Variants in NIBAN3 observed in about 807,000 individuals in gnomAD.
The protein encoded by NIBAN3 is niban apoptosis regulator 3.
A neutral mutation model predicts 76.4 loss-of-function variants in NIBAN3; 66 were observed. That is an observed-to-expected ratio of 0.86 (90% CI 0.71 to 1.06). NIBAN3 has a LOEUF of 1.06. Ranked by LOEUF, NIBAN3 falls within the 50% of genes least tolerant of loss-of-function variation. The pLI, the probability that NIBAN3 is intolerant of heterozygous loss-of-function variation, is 0.00. For synonymous variants in NIBAN3, 360 were observed against 355.2 expected (o/e 1.01, Z -0.15); for missense variants, 808 against 810.7 (o/e 1.00, Z 0.04).
At chr19:17,538,746 G>A (rs573787369) in intron 5 of NIBAN3, among the ~76,000 whole-genome samples, 46 of 149,060 alleles carry the variant, frequency 3.1e-4, no homozygotes, top group African/African-American at 1.1e-3. Flanking sequence ...AAGAAAGAAA[G>A]AGAAAGAAAG....
In NIBAN3 at chr19:17,539,598, G is replaced by A; in HGVS notation, c.817-5G>A. ...GCTTTGTCCCCCCTCGACCGGTCTG[G>A]GCAGCTTCTAGACGCCGTTCACGCA... On this transcript the variant is annotated splice_polypyrimidine_tract_variant and splice_region_variant and intron_variant, in intron 7 of 14. Coordinates refer to ENST00000599164, the MANE Select transcript of NIBAN3 (RefSeq NM_001321827.2). 6.5e-7 allele frequency: 1 copy of A among 1,544,226 alleles called. No homozygotes were observed. Among genetic ancestry groups the A allele is most frequent in the East Asian group, 2.4e-5 (1 of 41,338 alleles).
Position 17,536,278 on chromosome 19 carries a change from C to T in NIBAN3, c.428-1098C>T, listed in dbSNP as rs190597114. ...TGATCTCTGCTCACTGCAACCTCCG[C>T]CTCCCAGGCTCAAGTGATCCTCCTG... is the stretch of plus-strand genomic sequence containing the variant. On this transcript the variant is annotated intron_variant, in intron 4 of 14. Coordinates refer to ENST00000599164, the MANE Select transcript of NIBAN3 (RefSeq NM_001321827.2). Among the ~76,000 whole-genome samples the T allele has an allele frequency of 1.7e-3, 264 of 152,286 alleles. 1 individual carries two copies. The Middle Eastern group carries it at 0.024, about 14-fold the overall frequency.
Position 17,539,592 on chromosome 19 carries a change from G to T in NIBAN3, c.817-11G>T. ...GTCTCGGCTTTGTCCCCCCTCGACC[G>T]GTCTGGGCAGCTTCTAGACGCCGTT... On this transcript the variant is annotated splice_polypyrimidine_tract_variant and intron_variant, in intron 7 of 14. Coordinates refer to ENST00000599164, the MANE Select transcript of NIBAN3 (RefSeq NM_001321827.2). 6.5e-7 allele frequency: 1 copy of T among 1,536,854 alleles called. No individual in the cohort carries two copies. The highest frequency in any genetic ancestry group is 2.4e-5 in the East Asian group (1 of 41,096).
chr19:17,531,847 A>G (rs1276436636), intron 2 of NIBAN3, among the ~76,000 whole-genome samples: 1 of 152,180 alleles, frequency 6.6e-6, no homozygotes, highest in Non-Finnish European at 1.5e-5. Context: ...CTCTGGAGCC[A>G]TGAGGTTGTG....
chr19:17,533,792 C>T (rs2075775374), intron 4 of NIBAN3, 91 bp downstream of exon 4: 6 of 951,624 alleles, frequency 6.3e-6, no homozygotes, highest in South Asian at 4.2e-5. Flanking sequence ...GGGGGCGTCC[C>T]GTGTACAGCA....
intron 12 of NIBAN3, 85 bp from the exon 13 acceptor site, chr19:17,546,601 C>T (rs1296114738): frequency 6.7e-5 from 91 of 1,362,828 alleles, no homozygotes; most frequent in Non-Finnish European, 8.5e-5. Context: ...GCTAATCAGG[C>T]CCAGGGCTAG....
chr19:17,525,747 C>CT (rs781379074), upstream of NIBAN3, among the ~76,000 whole-genome samples: 1 of 152,052 alleles, frequency 6.6e-6, no homozygotes, highest in Non-Finnish European at 1.5e-5. Flanking sequence ...AATGGGAGAG[C>CT]TTCGGGAGGT....
Position 17,553,436 on chromosome 19 carries a change from G to T in NIBAN3, c.*1538G>T, listed in dbSNP as rs1291857543. ...GCAGCTTCTCTGCTGTCTTGCAGCT[G>T]CTTCCGGAGTGGGTTCCACAGGGAT... is the stretch of plus-strand genomic sequence containing the variant. On this transcript the variant is annotated 3_prime_UTR_variant, in exon 15 of 15. Transcript: ENST00000599164. The T allele has an allele frequency of 6.2e-7, 1 of 1,614,186 alleles. No homozygotes were observed. The highest frequency in any genetic ancestry group is 8.5e-7 in the Non-Finnish European group (1 of 1,180,040).
intron 5 of NIBAN3, among the ~76,000 whole-genome samples, chr19:17,538,482 G>T (rs566572517): frequency 4.6e-5 from 7 of 151,724 alleles, no homozygotes; most frequent in Admixed American, 3.3e-4. Context: ...AGGCACAGTG[G>T]CGTGGTGGCA....
At chr19:17,535,848 G>A in intron 4 of NIBAN3, among the ~76,000 whole-genome samples, 1 of 151,870 alleles carries the variant, frequency 6.6e-6, no homozygotes, top group East Asian at 1.9e-4. Context: ...AGGCCACCGT[G>A]AGCTATGATC....
chr19:17,546,674 C>T lies in NIBAN3; in HGVS notation c.1555-12C>T. The T allele has an allele frequency of 6.5e-7, 1 of 1,542,022 alleles. No individual in the cohort carries two copies. The highest frequency in any genetic ancestry group is 8.7e-7 in the Non-Finnish European group (1 of 1,143,548). On this transcript the variant is annotated splice_polypyrimidine_tract_variant and intron_variant, in intron 12 of 14. Coordinates refer to ENST00000599164, the MANE Select transcript of NIBAN3 (RefSeq NM_001321827.2). ...CCTCTCCATCCGAGCCCCTAACCCG[C>T]CATGGTTCCAGGAGCTGCCTGAGTT...
At chr19:17,533,795 G>A (rs2075775430) in intron 4 of NIBAN3, 94 bp downstream of exon 4, 1 of 915,060 alleles carries the variant, frequency 1.1e-6, no homozygotes, top group Non-Finnish European at 1.7e-6. Flanking sequence ...GGCGTCCCGT[G>A]TACAGCAGGG....
chr19:17,552,762 C>G lies in NIBAN3; in HGVS notation c.*864C>G, dbSNP rs1221189261. 3 of 151,968 alleles carry G rather than the reference C, an allele frequency of 2.0e-5. No homozygotes were observed. Among genetic ancestry groups the G allele is most frequent in the Admixed American group, 6.6e-5 (1 of 15,228 alleles). 9.4% of individuals were successfully genotyped at this position (151,968 alleles called of 1,614,324 possible). A position where few individuals can be genotyped will look rare whatever the true frequency, so the allele number is the denominator to read the frequency against. On this transcript the variant is annotated 3_prime_UTR_variant, in exon 15 of 15. Coordinates refer to ENST00000599164, the MANE Select transcript of NIBAN3 (RefSeq NM_001321827.2). ...CCTGGCGAACATAGTGAGACCTCAT[C>G]TCTACAAAAAATACAAAATTAGCGG...
Position 17,542,373 on chromosome 19 carries a change from G to A in NIBAN3, c.1329+79G>A. On this transcript the variant is annotated intron_variant, in intron 10 of 14. Coordinates refer to ENST00000599164, the MANE Select transcript of NIBAN3 (RefSeq NM_001321827.2). The surrounding 1 kb of genome is among the most constrained non-coding windows in gnomAD (Gnocchi z 4.8). ...GACCTCCTGCTAAGTGTGCCCTGGA[G>A]AGACCACGATGATCGAGACAACTCC... is the stretch of plus-strand genomic sequence containing the variant. 2 of 1,451,062 alleles carry A rather than the reference G, an allele frequency of 1.4e-6. No homozygotes were observed. 89.9% of individuals were successfully genotyped at this position (1,451,062 alleles called of 1,614,324 possible).
At position 17,539,397 on chromosome 19, in the gene NIBAN3, G is replaced by T; in HGVS notation, c.762G>T (p.Gln254His). Residue 254 changes from glutamine to histidine, a missense_variant, in exon 7 of 15, where the codon CAG becomes CAT. Gln to His is a conservative substitution (Grantham distance 24). Transcript: ENST00000599164. ...MREQLPALRA[Q>H]TLPGLRGAGR... ...AGCAACTTCCCGCGCTGCGAGCCCAGACCCTTCCTGGCCTGCGGGGGGCAG... is the reference window on the plus strand; with the variant it reads ...AGCAACTTCCCGCGCTGCGAGCCCATACCCTTCCTGGCCTGCGGGGGGCAG... 1.9e-6 allele frequency: 3 copies of T among 1,538,490 alleles called. No individual in the cohort carries two copies. Among genetic ancestry groups the T allele is most frequent in the Non-Finnish European group, 2.6e-6 (3 of 1,145,088 alleles).
chr19:17,530,698 A>G lies in NIBAN3; in HGVS notation c.56-57A>G, dbSNP rs1195819219. 3 of 1,529,786 alleles carry G rather than the reference A, an allele frequency of 2.0e-6. No individual in the cohort carries two copies. In the African/African-American group the frequency reaches 4.2e-5, roughly 21 times the overall value. 94.8% of individuals were successfully genotyped at this position (1,529,786 alleles called of 1,614,324 possible). ...TTCCCTGTCTGTTTTGCCCTCCCCA[A>G]GCAGGTCTCCTGGGCAGATTCAATT... On this transcript the variant is annotated intron_variant, in intron 1 of 14. Transcript: ENST00000599164.
chr19:17,539,226 C>T lies in NIBAN3; in HGVS notation c.672C>T (p.His224=), dbSNP rs1466899253. The change falls in exon 6 of 15, where the codon CAC becomes CAT. Residue 224 remains histidine (H), a synonymous_variant. Coordinates refer to ENST00000599164, the MANE Select transcript of NIBAN3 (RefSeq NM_001321827.2). ...AVRLYRQHQG[H]FGDDDVTLGS... is the part of the protein sequence containing the mutation. ...GACTCTACCGGCAGCACCAAGGCCA[C>T]TTTGGCGACGACGACGTGACCCTAG... 2.5e-6 allele frequency: 4 copies of T among 1,608,636 alleles called. No individual in the cohort carries two copies. Among genetic ancestry groups the T allele is most frequent in the Admixed American group, 1.7e-5 (1 of 59,502 alleles).
intron 12 of NIBAN3, chr19:17,543,991 CA>C (rs11313110): frequency 0.096 from 6,183 of 64,330 alleles, 340 homozygotes; most frequent in African/African-American, 0.24. Flanking sequence ...AACTCAGTCT[CA>C]AAAAAAAAAA....
intron 13 of NIBAN3, among the ~76,000 whole-genome samples, chr19:17,547,985 A>T (rs2076091171): frequency 6.6e-6 from 1 of 152,192 alleles, no homozygotes; most frequent in African/African-American, 2.4e-5. Flanking sequence ...CTACGGATAG[A>T]CATTTAAATT....
Sources: gnomAD v4.1 joint callset for allele counts (sites outside exome capture counted in the v4.1 genomes callset) on GRCh38, gnomAD v4.1.1 for gene constraint, Gnocchi (gnomAD v3.1) non-coding constraint, MANE v1.5 for transcripts, NCBI Gene and HGNC (gene_info 2026-07-23, HGNC 2026-07-21) for gene names.